DENND1A: variants seen among roughly 807,000 people sequenced by gnomAD.
The protein encoded by DENND1A is DENN domain containing 1A.
In DENND1A, 51 loss-of-function variants were observed where a neutral mutation model predicts 113.7. The ratio of observed to expected loss-of-function variants is 0.45; its 90% CI spans 0.36 to 0.57. The LOEUF is 0.57. DENND1A is among the 20% of genes least tolerant of loss of function. The pLI is 0.00. For synonymous variants in DENND1A, 565 were observed against 570.8 expected (o/e 0.99, Z 0.14); for missense variants, 1,258 against 1,395.9 (o/e 0.90, Z 1.57).
chr9:123,683,870 T>C (rs773177995), intron 5 of DENND1A, among the ~76,000 whole-genome samples: 1 of 152,202 alleles, frequency 6.6e-6, no homozygotes, highest in Non-Finnish European at 1.5e-5. Flanking sequence ...GGCCATTAAT[T>C]ACCACTAGAG....
intron 5 of DENND1A, among the ~76,000 whole-genome samples, chr9:123,742,502 T>C (rs2069114253): frequency 6.6e-6 from 1 of 152,194 alleles, no homozygotes; most frequent in Non-Finnish European, 1.5e-5. Flanking sequence ...ATGTTTCTGC[T>C]CAATTAAAAA....
chr9:123,581,398 C>T (rs2058886682), intron 12 of DENND1A, among the ~76,000 whole-genome samples: 2 of 152,114 alleles, frequency 1.3e-5, no homozygotes, highest in South Asian at 4.1e-4. Context: ...CTTAGGGAGG[C>T]TGAGATGGGC....
intron 8 of DENND1A, among the ~76,000 whole-genome samples, chr9:123,660,573 AT>A (rs562635669): frequency 2.8e-4 from 42 of 151,094 alleles, no homozygotes; most frequent in Admixed American, 1.3e-3. Flanking sequence ...GAAAAAAAAA[AT>A]TTTTTAATGA....
At chr9:123,548,304 C>T (rs1484365340) in intron 13 of DENND1A, among the ~76,000 whole-genome samples, 1 of 152,186 alleles carries the variant, frequency 6.6e-6, no homozygotes, top group Non-Finnish European at 1.5e-5. Context: ...GTCCCCTTTA[C>T]ACTCCCCCAT....
intron 21 of DENND1A, among the ~76,000 whole-genome samples, chr9:123,402,839 G>A (rs2043604291): frequency 6.6e-6 from 1 of 152,206 alleles, no homozygotes; most frequent in Non-Finnish European, 1.5e-5. Context: ...CACGCCTCCT[G>A]AGCAGGTGAC....
chr9:123,621,235 G>A (rs966055537), intron 10 of DENND1A, among the ~76,000 whole-genome samples: 2 of 150,506 alleles, frequency 1.3e-5, no homozygotes, highest in African/African-American at 4.9e-5. Flanking sequence ...GCCCAGGCTG[G>A]AGTGCAGTGG....
chr9:123,878,980 G>A lies in DENND1A; in HGVS notation c.59C>T (p.Ala20Val). 1 of 1,613,804 alleles carries A rather than the reference G, an allele frequency of 6.2e-7. No individual in the cohort carries two copies. The highest frequency in any genetic ancestry group is 8.5e-7 in the Non-Finnish European group (1 of 1,179,900). ...ETTFEVYVEVAYPRTGGTLSD... is the reference protein window; with the variant it reads ...ETTFEVYVEVVYPRTGGTLSD... ...AAGAGTGCCACCTGTCCTGGGATAG[G>A]CCACTTCAACATATACTTCAAATGT... Residue 20 changes from alanine (A) to valine (V), a missense_variant, in exon 2 of 24, where the codon GCC becomes GTC. By Grantham distance (64) the Ala-to-Val change is moderately conservative. This residue lies in a region of DENND1A where 99 missense variants were observed against 164.2 expected (regional missense o/e 0.60). Coordinates refer to ENST00000394215, the MANE Select transcript of DENND1A (RefSeq NM_001352964.2).
intron 5 of DENND1A, among the ~76,000 whole-genome samples, chr9:123,685,834 G>T (rs1291630339): frequency 6.6e-6 from 1 of 152,070 alleles, no homozygotes; most frequent in Non-Finnish European, 1.5e-5. Flanking sequence ...TTATGATGCT[G>T]CCTACTCCTG....
At chr9:123,880,942 G>A (rs1431374917) in intron 1 of DENND1A, among the ~76,000 whole-genome samples, 1 of 152,012 alleles carries the variant, frequency 6.6e-6, no homozygotes, top group African/African-American at 2.4e-5. Context: ...ACTAAAAAAT[G>A]GTAATACTCC....
At chr9:123,679,030 A>C (rs1429726175) in intron 5 of DENND1A, among the ~76,000 whole-genome samples, 1 of 152,176 alleles carries the variant, frequency 6.6e-6, no homozygotes, top group Non-Finnish European at 1.5e-5. Context: ...AAGGATTACA[A>C]ATTTTTTTTT....
intron 2 of DENND1A, among the ~76,000 whole-genome samples, chr9:123,875,337 G>A (rs191929517): frequency 8.0e-4 from 121 of 152,192 alleles, no homozygotes; most frequent in Admixed American, 1.5e-3. Context: ...CAGGGCTTAG[G>A]CAAGGGTTCA....
intron 9 of DENND1A, among the ~76,000 whole-genome samples, chr9:123,640,625 G>C (rs544480224): frequency 2.6e-5 from 4 of 152,296 alleles, no homozygotes; most frequent in Admixed American, 1.3e-4. Context: ...GAGTCAAATC[G>C]GGGTTTATGG....
chr9:123,736,062 C>T (rs1397980708), intron 5 of DENND1A, among the ~76,000 whole-genome samples: 1 of 152,088 alleles, frequency 6.6e-6, no homozygotes, highest in East Asian at 1.9e-4. Flanking sequence ...ACCTTCTCTA[C>T]CAATGTACTC....
At chr9:123,423,332 C>G (rs2045459504) in intron 19 of DENND1A, among the ~76,000 whole-genome samples, 1 of 152,228 alleles carries the variant, frequency 6.6e-6, no homozygotes, top group Admixed American at 6.5e-5. Context: ...CTCCCTCCCC[C>G]AGCCAGCCCT....
intron 22 of DENND1A, among the ~76,000 whole-genome samples, chr9:123,384,953 A>G (rs957039883): frequency 6.6e-6 from 1 of 152,188 alleles, no homozygotes; most frequent in Non-Finnish European, 1.5e-5. Context: ...GTCTCAAAAC[A>G]AAAAAGCAAA....
rs34783725 is a variant in DENND1A at position 123,902,432 on chromosome 9, C to T, written c.18-23411G>A. On this transcript the variant is annotated intron_variant, in intron 1 of 23. Coordinates refer to ENST00000394215, the MANE Select transcript of DENND1A (RefSeq NM_001352964.2). Reference sequence around the variant, plus strand: ...AAATGCCTGCTAGTTACTAGGAATTCAACTAGGAACAATGAACATAAACCA... The same window carrying T: ...AAATGCCTGCTAGTTACTAGGAATTTAACTAGGAACAATGAACATAAACCA... 6.7e-3 allele frequency among the ~76,000 whole-genome samples: 1,027 copies of T among 152,198 alleles called. 3 individuals are homozygous for T. Among genetic ancestry groups the T allele is most frequent in the Non-Finnish European group, 0.011 (725 of 68,014 alleles).
chr9:123,623,454 T>C (rs1201359442), intron 10 of DENND1A, among the ~76,000 whole-genome samples: 2 of 152,154 alleles, frequency 1.3e-5, no homozygotes, highest in South Asian at 2.1e-4. Flanking sequence ...AATGGTTACA[T>C]AGTTAATAAG....
intron 19 of DENND1A, chr9:123,413,733 C>T (rs1358096964): frequency 5.1e-6 from 5 of 985,296 alleles, no homozygotes; most frequent in Non-Finnish European, 6.0e-6. Flanking sequence ...CTGACAGCTA[C>T]CCGGGAGTTG....
At chr9:123,639,236 G>C (rs376952187) in intron 9 of DENND1A, among the ~76,000 whole-genome samples, 1 of 151,538 alleles carries the variant, frequency 6.6e-6, no homozygotes, top group Non-Finnish European at 1.5e-5. Context: ...TCAGGAGTTC[G>C]AGACCAGCCT....
Sources: gnomAD v4.1 joint callset for allele counts (sites outside exome capture counted in the v4.1 genomes callset) on GRCh38, gnomAD v4.1.1 for gene constraint, gnomAD v4.1.1 regional missense constraint, MANE v1.5 for transcripts, NCBI Gene and HGNC (gene_info 2026-07-23, HGNC 2026-07-21) for gene names.